MRTFB: variants seen among roughly 807,000 people sequenced by gnomAD.
The protein encoded by MRTFB is myocardin related transcription factor B, also known as myocardin-related transcription factor B.
A neutral mutation model predicts 104.2 loss-of-function variants in MRTFB; 29 were observed. The observed-to-expected ratio is 0.28, with a 90% CI of 0.21 to 0.38. The LOEUF (loss-of-function observed/expected upper bound fraction) is 0.38. Ranked by LOEUF, MRTFB falls within the 10% of genes least tolerant of loss-of-function variation. The pLI is 1.00. For synonymous variants in MRTFB, 535 were observed against 519.5 expected, an observed-to-expected ratio of 1.03 and a Z score of -0.41; for missense variants, 1,270 against 1,341.6, an observed-to-expected ratio of 0.95 and a Z score of 0.83.
intron 3 of MRTFB, chr16:14,170,541 G>A (rs2039390109): frequency 6.6e-6 from 1 of 152,162 alleles, no homozygotes; most frequent in Non-Finnish European, 1.5e-5. Context: ...CATTATAAAT[G>A]TGCCATAACT....
the MRTFB span, among the ~76,000 whole-genome samples, chr16:14,026,476 C>T: frequency 7.9e-4 from 120 of 152,140 alleles, no homozygotes; most frequent in Admixed American, 1.6e-3. Context: ...AAATCTTCAT[C>T]ACATAGGGTT....
chr16:14,252,306 C>A, intron 14 of MRTFB, 59 bp from the exon 15 acceptor site: 1 of 1,576,650 alleles, frequency 6.3e-7, no homozygotes, highest in Non-Finnish European at 8.6e-7. Context: ...CGAGTCTAGC[C>A]AGGAAAAGAG....
the MRTFB span, among the ~76,000 whole-genome samples, chr16:14,018,682 C>G: frequency 2.0e-5 from 3 of 152,158 alleles, no homozygotes; most frequent in East Asian, 5.8e-4. Context: ...ACAGCCCCCA[C>G]CAGTCCCCAG....
At chr16:14,240,777 A>G (rs906181945) in intron 10 of MRTFB, 2 of 763,734 alleles carry the variant, frequency 2.6e-6, no homozygotes, top group African/African-American at 3.4e-5. Context: ...ATAGTACTAG[A>G]TGCTCTGAGA....
At chr16:14,125,153 G>C (rs963402921) in intron 2 of MRTFB, among the ~76,000 whole-genome samples, 1 of 152,144 alleles carries the variant, frequency 6.6e-6, no homozygotes, top group Non-Finnish European at 1.5e-5. Flanking sequence ...CTTGCTGTCC[G>C]GTGTGCTAAA....
the MRTFB span, among the ~76,000 whole-genome samples, chr16:14,063,860 T>C: frequency 5.9e-3 from 894 of 152,392 alleles, 10 homozygotes; most frequent in African/African-American, 0.02. Flanking sequence ...CCACATTTTC[T>C]GTATCCAGTA....
At chr16:14,157,915 A>G (rs1288001816) in intron 3 of MRTFB, among the ~76,000 whole-genome samples, 1 of 136,156 alleles carries the variant, frequency 7.3e-6, no homozygotes. Flanking sequence ...ACTTTTATAT[A>G]TAGTTTCATT....
chr16:14,024,663 C>A, the MRTFB span, among the ~76,000 whole-genome samples: 2 of 152,208 alleles, frequency 1.3e-5, no homozygotes, highest in Non-Finnish European at 2.9e-5. Context: ...CCTAAACATT[C>A]ATCAAAAGAG....
At chr16:14,072,715 T>G (rs2033788306) in intron 1 of MRTFB, among the ~76,000 whole-genome samples, 1 of 152,014 alleles carries the variant, frequency 6.6e-6, no homozygotes, top group African/African-American at 2.4e-5. Context: ...AGACGGAGGT[T>G]GGGAAAAACA....
intron 8 of MRTFB, among the ~76,000 whole-genome samples, chr16:14,230,421 CA>C (rs1567194165): frequency 6.6e-6 from 1 of 151,986 alleles, no homozygotes; most frequent in African/African-American, 2.4e-5. Flanking sequence ...GCAATGAACT[CA>C]AACAAATTTA....
chr16:14,210,135 T>A, intron 3 of MRTFB, 108 bp from the exon 4 acceptor site: 1 of 734,390 alleles, frequency 1.4e-6, no homozygotes, highest in South Asian at 2.3e-5. Context: ...TTTTTAATTG[T>A]GAAATAGAAG....
At chr16:14,029,360 C>T in the MRTFB span, among the ~76,000 whole-genome samples, 1 of 135,622 alleles carries the variant, frequency 7.4e-6, no homozygotes, top group African/African-American at 2.8e-5. Context: ...GAGCCAAGAT[C>T]GAGATATTAC....
intron 15 of MRTFB, among the ~76,000 whole-genome samples, chr16:14,253,290 C>A (rs1885390984): frequency 6.6e-6 from 1 of 152,198 alleles, no homozygotes; most frequent in African/African-American, 2.4e-5. Flanking sequence ...ACCCCAGCCT[C>A]ATAGAGGATT....
intron 15 of MRTFB, among the ~76,000 whole-genome samples, chr16:14,253,357 T>C (rs1334377073): frequency 6.6e-6 from 1 of 152,198 alleles, no homozygotes; most frequent in East Asian, 1.9e-4. Flanking sequence ...CAAGAGACAA[T>C]ATCCAAGCGG....
the MRTFB span, among the ~76,000 whole-genome samples, chr16:14,005,932 G>A: frequency 2.0e-5 from 3 of 152,366 alleles, no homozygotes; most frequent in South Asian, 2.1e-4. Flanking sequence ...TTACGGCTGG[G>A]TGTGGTGGCT....
chr16:13,996,070 G>A, the MRTFB span, among the ~76,000 whole-genome samples: 66 of 152,182 alleles, frequency 4.3e-4, no homozygotes, highest in African/African-American at 1.2e-3. Flanking sequence ...TCCAGAGTCC[G>A]AGACCAGCCT....
At chr16:14,199,676 A>G (rs1046971912) in intron 3 of MRTFB, among the ~76,000 whole-genome samples, 1 of 152,196 alleles carries the variant, frequency 6.6e-6, no homozygotes, top group Non-Finnish European at 1.5e-5. Flanking sequence ...TCTATTCATT[A>G]CATCTCTCAG....
At chr16:14,157,153 A>G (rs950269256) in intron 3 of MRTFB, among the ~76,000 whole-genome samples, 2 of 152,238 alleles carry the variant, frequency 1.3e-5, no homozygotes, top group Non-Finnish European at 2.9e-5. Flanking sequence ...ATGTCATATA[A>G]TAGGGAATAT....
rs2043057403 is a variant in MRTFB at position 14,247,239 on chromosome 16, C to T, written c.1979C>T (p.Ala660Val). Residue 660 changes from alanine to valine, a missense_variant, in exon 12 of 17, where the codon GCT (alanine) becomes GTT (valine). By Grantham distance (64) the Ala-to-Val change is moderately conservative (BLOSUM62 0). Around this residue, in one of 3 missense-constraint regions of MRTFB, gnomAD observed 1,144 missense variants for 1,131.5 expected, o/e 1.01. Transcript: ENST00000571589. The part of the protein sequence containing the change: ...SRQPIPVASH[A>V]VGQPVSTGGQ... ...CAGCCCATCCCAGTAGCCAGCCACG[C>T]TGTAGGCCAGCCCGTCTCTACAGGT... 1.2e-6 allele frequency: 2 copies of T among 1,614,110 alleles called. No individual in the cohort carries two copies. The highest frequency in any genetic ancestry group is 2.7e-5 in the African/African-American group (2 of 74,944).
Sources: gnomAD v4.1 joint callset for allele counts (sites outside exome capture counted in the v4.1 genomes callset) on GRCh38, gnomAD v4.1.1 for gene constraint, gnomAD v4.1.1 regional missense constraint, MANE v1.5 for transcripts, NCBI Gene and HGNC (gene_info 2026-07-23, HGNC 2026-07-21) for gene names.